Variants in CFAP43 observed in about 807,000 individuals in gnomAD.
CFAP43 encodes cilia and flagella associated protein 43, also known as cilia- and flagella-associated protein 43.
A neutral mutation model predicts 218.9 loss-of-function variants in CFAP43; 155 were observed. That is an observed-to-expected ratio of 0.71 (90% CI 0.62 to 0.81). CFAP43 has a LOEUF of 0.81. Ranked by LOEUF, CFAP43 falls within the 30% of genes least tolerant of loss-of-function variation. CFAP43 has a pLI of 0.00. For missense variants in CFAP43, 1,778 were observed against 1,954.3 expected, an observed-to-expected ratio of 0.91 and a Z score of 1.70; for synonymous variants, 645 against 681.3, an observed-to-expected ratio of 0.95 and a Z score of 0.83.
chr10:104,168,730 G>T lies in CFAP43; in HGVS notation c.2691+14C>A. ...ATTCTCATCAGGTTTTGTACCTAGG[G>T]TTCTATCTGTTACCTTAAGAGCTCG... On this transcript the variant is annotated intron_variant, in intron 21 of 37. Transcript: ENST00000357060. 3 of 1,597,516 alleles carry T rather than the reference G, an allele frequency of 1.9e-6. No individual in the cohort carries two copies. The highest frequency in any genetic ancestry group is 2.6e-6 in the Non-Finnish European group (3 of 1,165,080).
chr10:104,131,314 A>G lies in CFAP43; in HGVS notation c.4831+17T>C. 4 of 1,596,878 alleles carry G rather than the reference A, an allele frequency of 2.5e-6. No homozygotes were observed. The highest frequency in any genetic ancestry group is 3.4e-6 in the Non-Finnish European group (4 of 1,176,226). On this transcript the variant is annotated intron_variant, in intron 37 of 37. Transcript: ENST00000357060. ...AAAGAAACCTACAGTTGGTTAAAGAAAAAAAAGCATGCTTACCCATTGCAT... is the reference window on the plus strand; with the variant it reads ...AAAGAAACCTACAGTTGGTTAAAGAGAAAAAAGCATGCTTACCCATTGCAT...
chr10:104,138,604 G>A (rs2087558620), intron 34 of CFAP43, among the ~76,000 whole-genome samples: 1 of 151,986 alleles, frequency 6.6e-6, no homozygotes, highest in Non-Finnish European at 1.5e-5. Context: ...GAACCCAGAA[G>A]GTGGAGGTTG....
chr10:104,183,383 GT>G (rs34324833), intron 16 of CFAP43, among the ~76,000 whole-genome samples: 49,745 of 130,324 alleles, frequency 0.38, 7,170 homozygotes, highest in South Asian at 0.45. Flanking sequence ...CTAGACCATC[GT>G]TTTTTTTTTT....
intron 26 of CFAP43, among the ~76,000 whole-genome samples, chr10:104,161,440 C>G (rs1212818249): frequency 6.6e-6 from 1 of 152,088 alleles, no homozygotes; most frequent in East Asian, 1.9e-4. Flanking sequence ...TACCCCTGAG[C>G]CCCAGGAAAA....
chr10:104,146,656 C>G (rs1428110567), intron 29 of CFAP43, among the ~76,000 whole-genome samples: 1 of 152,046 alleles, frequency 6.6e-6, no homozygotes, highest in East Asian at 1.9e-4. Context: ...ATCACATGGA[C>G]CTGGGTTCTG....
chr10:104,170,904 G>C (rs955948840), intron 20 of CFAP43, among the ~76,000 whole-genome samples: 9 of 151,992 alleles, frequency 5.9e-5, no homozygotes, highest in Non-Finnish European at 1.3e-4. Context: ...TCCCATCCAC[G>C]ATGCTTCAGC....
intron 32 of CFAP43, among the ~76,000 whole-genome samples, chr10:104,143,089 C>T (rs1169053030): frequency 6.6e-6 from 1 of 152,114 alleles, no homozygotes; most frequent in African/African-American, 2.4e-5. Flanking sequence ...ATTAATGAGA[C>T]ATATTTCTTT....
intron 7 of CFAP43, among the ~76,000 whole-genome samples, chr10:104,204,810 G>A (rs776741256): frequency 9.1e-4 from 138 of 152,304 alleles, no homozygotes; most frequent in Non-Finnish European, 1.1e-3. Flanking sequence ...GTCATCTGTG[G>A]CAGTGAAATG....
At chr10:104,143,712 T>G in intron 31 of CFAP43, 73 bp from the exon 32 acceptor site, 1 of 1,412,892 alleles carries the variant, frequency 7.1e-7, no homozygotes, top group Non-Finnish European at 9.9e-7. Flanking sequence ...AATTAGGCCC[T>G]TAGCACAGGC....
chr10:104,138,847 A>G (rs141984616), intron 34 of CFAP43, among the ~76,000 whole-genome samples: 9 of 152,340 alleles, frequency 5.9e-5, no homozygotes, highest in Admixed American at 1.3e-4. Flanking sequence ...AATGTACCAT[A>G]CTGATGGAAA....
intron 20 of CFAP43, among the ~76,000 whole-genome samples, chr10:104,170,001 G>A (rs190718393): frequency 6.6e-6 from 1 of 152,200 alleles, no homozygotes; most frequent in African/African-American, 2.4e-5. Context: ...CCGGGGTAGG[G>A]TAGTAGCCTA....
At chr10:104,147,870 G>T in intron 29 of CFAP43, 21 bp downstream of exon 29, 1 of 1,540,272 alleles carries the variant, frequency 6.5e-7, no homozygotes, top group Non-Finnish European at 8.8e-7. Context: ...CTTGTATTCA[G>T]ATTTCAGACA....
At chr10:104,183,431 G>A (rs894596798) in intron 16 of CFAP43, among the ~76,000 whole-genome samples, 6 of 148,134 alleles carry the variant, frequency 4.1e-5, no homozygotes, top group South Asian at 2.2e-4. Flanking sequence ...CGCCCAGGCC[G>A]GACTGCGGAC....
intron 4 of CFAP43, among the ~76,000 whole-genome samples, chr10:104,212,767 G>T (rs902403083): frequency 6.6e-6 from 1 of 152,026 alleles, no homozygotes; most frequent in Non-Finnish European, 1.5e-5. Flanking sequence ...TGGTTATAAA[G>T]GTTAATTTAG....
At chr10:104,158,237 A>C (rs2088679028) in intron 27 of CFAP43, among the ~76,000 whole-genome samples, 2 of 152,226 alleles carry the variant, frequency 1.3e-5, no homozygotes, top group Non-Finnish European at 2.9e-5. Flanking sequence ...AAAAGACAGA[A>C]TGAACAGAGA....
chr10:104,188,179 A>G (rs2090091937), intron 13 of CFAP43, 91 bp downstream of exon 13: 1 of 1,520,002 alleles, frequency 6.6e-7, no homozygotes, highest in Non-Finnish European at 8.9e-7. Flanking sequence ...ACCTCTTCAC[A>G]TGCCAAGATA....
intron 34 of CFAP43, among the ~76,000 whole-genome samples, chr10:104,136,956 A>C (rs191753958): frequency 3.9e-4 from 60 of 152,320 alleles, no homozygotes; most frequent in Non-Finnish European, 6.8e-4. Flanking sequence ...AGCAAACAAC[A>C]AAAAAGAGAA....
At chr10:104,209,774 T>C (rs1203722619) in intron 5 of CFAP43, among the ~76,000 whole-genome samples, 3 of 152,176 alleles carry the variant, frequency 2.0e-5, no homozygotes, top group Non-Finnish European at 4.4e-5. Flanking sequence ...CTCTTTGTTC[T>C]TCCTTTGCTG....
intron 27 of CFAP43, among the ~76,000 whole-genome samples, chr10:104,158,383 A>C (rs1397019171): frequency 6.6e-6 from 1 of 152,188 alleles, no homozygotes; most frequent in East Asian, 1.9e-4. Flanking sequence ...GACTGACTGA[A>C]ATCTGGAACC....
Sources: allele counts gnomAD v4.1 joint callset (sites outside exome capture counted in the v4.1 genomes callset), GRCh38; gene constraint gnomAD v4.1.1; transcripts MANE v1.5; gene names NCBI Gene and HGNC (gene_info 2026-07-23, HGNC 2026-07-21).